The following PSMA1 variants were observed in gnomAD, a reference collection of about 807,000 sequenced individuals.
PSMA1 encodes the protein proteasome subunit alpha type-1.
In PSMA1, 3 loss-of-function variants were observed where a neutral mutation model predicts 38.4. The observed-to-expected ratio is 0.08, with a 90% CI of 0.04 to 0.20. The LOEUF (loss-of-function observed/expected upper bound fraction) is 0.20, where lower values mean the gene tolerates loss of function less well. PSMA1 is among the 10% of genes least tolerant of loss of function. The pLI is 1.00. For missense variants in PSMA1, 227 were observed against 325.3 expected (o/e 0.70, Z 2.32); for synonymous variants, 101 against 107.1 (o/e 0.94, Z 0.35).
chr11:14,597,041 G>A (rs12799427), intron 2 of PSMA1, among the ~76,000 whole-genome samples: 2 of 152,204 alleles, frequency 1.3e-5, no homozygotes, highest in South Asian at 4.1e-4. Context: ...ATGTGATGGA[G>A]TACGTTTATT....
intron 9 of PSMA1, among the ~76,000 whole-genome samples, chr11:14,506,693 G>A (rs1851249692): frequency 6.6e-6 from 1 of 152,174 alleles, no homozygotes; most frequent in Non-Finnish European, 1.5e-5. Context: ...TGCTCAAACA[G>A]AATCTGGGCC....
rs181263627 is a variant in PSMA1, at chr11:14,571,044, C to A, written c.21+39922G>T. The stretch of plus-strand genomic sequence containing the variant: ...TGTACAAGCCAGAAGAGAGTGGGGG[C>A]CAATAGTCAACATTCTTTTTTGTTT... On this transcript the variant is annotated intron_variant, in intron 2 of 10. Transcript: ENST00000418988. 3.3e-3 allele frequency among the ~76,000 whole-genome samples: 496 copies of A among 152,262 alleles called. 6 individuals are homozygous for A. Among genetic ancestry groups the A allele is most frequent in the African/African-American group, 0.011 (463 of 41,562 alleles).
intron 2 of PSMA1, among the ~76,000 whole-genome samples, chr11:14,594,302 C>A (rs1052291721): frequency 3.9e-5 from 6 of 152,170 alleles, no homozygotes; most frequent in African/African-American, 1.4e-4. Context: ...TATGTTCACA[C>A]AGGTCAGAGT....
intron 2 of PSMA1, among the ~76,000 whole-genome samples, chr11:14,580,395 T>G (rs1852270331): frequency 6.6e-6 from 1 of 152,184 alleles, no homozygotes; most frequent in Non-Finnish European, 1.5e-5. Context: ...CTGCTACACC[T>G]CAAGACCACT....
chr11:14,629,065 T>C (rs1852961511), intron 1 of PSMA1, among the ~76,000 whole-genome samples: 1 of 151,886 alleles, frequency 6.6e-6, no homozygotes, highest in Non-Finnish European at 1.5e-5. Context: ...TTCTGGATAT[T>C]AGCCCTTTGT....
chr11:14,517,172 A>T (rs1160204995), intron 4 of PSMA1, among the ~76,000 whole-genome samples: 3 of 152,204 alleles, frequency 2.0e-5, no homozygotes, highest in Non-Finnish European at 4.4e-5. Context: ...TTTATAGATA[A>T]ACTTGCCTTC....
At chr11:14,590,314 A>C (rs2134187761) in intron 2 of PSMA1, among the ~76,000 whole-genome samples, 1 of 152,362 alleles carries the variant, frequency 6.6e-6, no homozygotes, top group East Asian at 1.9e-4. Flanking sequence ...CTGCACATTC[A>C]ACACGGTTAA....
intron 2 of PSMA1, among the ~76,000 whole-genome samples, chr11:14,574,453 G>A (rs1480962341): frequency 6.6e-6 from 1 of 152,248 alleles, no homozygotes; most frequent in Non-Finnish European, 1.5e-5. Context: ...CATAGTGCAA[G>A]AGTTGAGGCT....
At chr11:14,568,355 T>C (rs1243517045) in intron 2 of PSMA1, among the ~76,000 whole-genome samples, 2 of 152,220 alleles carry the variant, frequency 1.3e-5, no homozygotes, top group East Asian at 3.8e-4. Flanking sequence ...CTGGAGCTTG[T>C]TGCCCAGTTG....
At chr11:14,508,561 C>CAA (rs60499933) in intron 8 of PSMA1, among the ~76,000 whole-genome samples, 1,751 of 47,144 alleles carry the variant, frequency 0.037, 164 homozygotes, top group Non-Finnish European at 0.051. Flanking sequence ...CACTCCATCT[C>CAA]AAAAAAAAAA....
chr11:14,564,989 G>C (rs1370899128), intron 2 of PSMA1, among the ~76,000 whole-genome samples: 2 of 152,028 alleles, frequency 1.3e-5, no homozygotes, highest in East Asian at 3.9e-4. Context: ...TTTTTGTCCA[G>C]GCTGGCCGTG....
chr11:14,634,450 A>G (rs1455111808), intron 1 of PSMA1, among the ~76,000 whole-genome samples: 1 of 151,912 alleles, frequency 6.6e-6, no homozygotes, highest in Non-Finnish European at 1.5e-5. Context: ...ATGAAAGGGG[A>G]TATGTTTTTT....
chr11:14,600,630 T>C (rs1424858519), intron 2 of PSMA1, among the ~76,000 whole-genome samples: 3 of 152,184 alleles, frequency 2.0e-5, no homozygotes, highest in African/African-American at 7.2e-5. Context: ...AGTGTCCCAT[T>C]TTCCCAGGTA....
intron 2 of PSMA1, among the ~76,000 whole-genome samples, chr11:14,567,343 C>T (rs1852083906): frequency 6.6e-6 from 1 of 152,172 alleles, no homozygotes; most frequent in Non-Finnish European, 1.5e-5. Context: ...AGACATTTGG[C>T]TGGAAGTTTC....
Position 14,534,359 on chromosome 11 carries a change from C to T in PSMA1, c.22-15318G>A, listed in dbSNP as rs1369919148. ...TCACATGCTTTAAATGTCTGTATAG[C>T]TATAAGGTATTACATCATATAAATG... On this transcript the variant is annotated intron_variant, in intron 2 of 10. Coordinates refer to the PSMA1 transcript ENST00000418988. The surrounding 1 kb of genome is among the most constrained non-coding windows in gnomAD (Gnocchi z 4.5). Among the ~76,000 whole-genome samples, 2 of 152,166 alleles carry T rather than the reference C, an allele frequency of 1.3e-5. No homozygotes were observed. Among genetic ancestry groups the T allele is most frequent in the East Asian group, 3.9e-4 (2 of 5,192 alleles).
chr11:14,591,070 G>A lies in PSMA1; in HGVS notation c.21+19896C>T, dbSNP rs575193760. 7.2e-5 allele frequency among the ~76,000 whole-genome samples: 11 copies of A among 152,234 alleles called. No individual in the cohort carries two copies. In the East Asian group the frequency reaches 1.2e-3, roughly 16 times the overall value. ...CTCAGCTTGCAGTGGAGGGAGAGGC[G>A]CGAGCGGGAACCGGGGCTGCGTGCA... On this transcript the variant is annotated intron_variant, in intron 2 of 10. Coordinates refer to the PSMA1 transcript ENST00000418988.
At chr11:14,609,299 T>G (rs2134197688) in intron 2 of PSMA1, among the ~76,000 whole-genome samples, 1 of 152,350 alleles carries the variant, frequency 6.6e-6, no homozygotes, top group East Asian at 1.9e-4. Context: ...TAATCCAGGC[T>G]TGTCTCATCA....
rs970534316 is a variant in PSMA1 at position 14,600,365 on chromosome 11, A to G, written c.21+10601T>C. Among the ~76,000 whole-genome samples, 10 of 152,150 alleles carry G rather than the reference A, an allele frequency of 6.6e-5. No homozygotes were observed. In the East Asian group the frequency reaches 7.7e-4, roughly 12 times the overall value. ...CCCTGCCCACAGAGGTGAAGTCTAG[A>G]GGCAGTAGGCCTTGTTAAGCTGTTG... On this transcript the variant is annotated intron_variant, in intron 2 of 10. Transcript: ENST00000418988.
intron 8 of PSMA1, among the ~76,000 whole-genome samples, chr11:14,508,561 C>CAAAAAAAAAAAAAAAAAAAAA (rs60499933): frequency 0.015 from 690 of 47,094 alleles, 184 homozygotes; most frequent in Admixed American, 0.02. Flanking sequence ...CACTCCATCT[C>CAAAAAAAAAAAAAAAAAAAAA]AAAAAAAAAA....
Sources: gnomAD v4.1 joint callset for allele counts (sites outside exome capture counted in the v4.1 genomes callset) on GRCh38, gnomAD v4.1.1 for gene constraint, Gnocchi (gnomAD v3.1) non-coding constraint, MANE v1.5 for transcripts, NCBI Gene and HGNC (gene_info 2026-07-23, HGNC 2026-07-21) for gene names.